The following CDH23 variants were observed in gnomAD, a reference collection of about 807,000 sequenced individuals.
CDH23 encodes cadherin related 23.
In CDH23, 189 loss-of-function variants were observed where a neutral mutation model predicts 317.1. The observed-to-expected ratio is 0.60, with a 90% CI of 0.53 to 0.67. The LOEUF (loss-of-function observed/expected upper bound fraction) is 0.67, where lower values mean the gene tolerates loss of function less well. Ranked by LOEUF, CDH23 falls within the 30% of genes least tolerant of loss-of-function variation. The pLI is 0.00. For missense variants in CDH23, 4,401 were observed against 4,592.4 expected, an observed-to-expected ratio of 0.96 and a Z score of 1.20; for synonymous variants, 1,839 against 1,876.8, an observed-to-expected ratio of 0.98 and a Z score of 0.52.
chr10:71,451,118 C>T (rs1329252708), intron 3 of CDH23, among the ~76,000 whole-genome samples: 3 of 152,116 alleles, frequency 2.0e-5, no homozygotes, highest in African/African-American at 7.2e-5. Context: ...CCCTCCCCTC[C>T]CATCCCTTAG....
chr10:71,404,890 A>G (rs1229129019), intron 1 of CDH23, among the ~76,000 whole-genome samples: 1 of 152,200 alleles, frequency 6.6e-6, no homozygotes, highest in Non-Finnish European at 1.5e-5. Flanking sequence ...GCCATTTGTG[A>G]CAAGGGCCAT....
rs372287931 is a variant in CDH23, at chr10:71,773,971, A to G, written c.4846-3709A>G. On this transcript the variant is annotated intron_variant, in intron 38 of 69. Transcript: ENST00000224721. ...TAAATGAGTGAATGAATGAAATCTG[A>G]CATTGTGAAGAGCTAGGCAAGCTGG... is the stretch of plus-strand genomic sequence containing the variant. Among the ~76,000 whole-genome samples, 26 of 151,964 alleles carry G rather than the reference A, an allele frequency of 1.7e-4. 1 individual carries two copies. The highest frequency in any genetic ancestry group is 5.6e-4 in the African/African-American group (23 of 41,422).
intron 62 of CDH23, among the ~76,000 whole-genome samples, chr10:71,810,910 G>A (rs1038953432): frequency 2.6e-5 from 4 of 151,994 alleles, no homozygotes; most frequent in Admixed American, 2.0e-4. Flanking sequence ...GAGAAACCTC[G>A]TCTCTACTAA....
At chr10:71,661,186 A>G (rs1863633122) in intron 14 of CDH23, among the ~76,000 whole-genome samples, 1 of 152,150 alleles carries the variant, frequency 6.6e-6, no homozygotes, top group Non-Finnish European at 1.5e-5. Context: ...GAGCCTGGCG[A>G]ATCTGTAGGG....
At chr10:71,730,081 A>G (rs1229531172) in intron 30 of CDH23, among the ~76,000 whole-genome samples, 2 of 151,836 alleles carry the variant, frequency 1.3e-5, no homozygotes, top group East Asian at 1.9e-4. Context: ...TGATCTGCCC[A>G]CCTCGGCCTC....
chr10:71,400,013 G>A (rs1280807721), intron 1 of CDH23, among the ~76,000 whole-genome samples: 2 of 152,156 alleles, frequency 1.3e-5, no homozygotes, highest in African/African-American at 4.8e-5. Flanking sequence ...ATGCAGAGGG[G>A]AGGAGCATGA....
chr10:71,783,268 AG>A (rs1841005509), intron 41 of CDH23, among the ~76,000 whole-genome samples: 1 of 152,148 alleles, frequency 6.6e-6, no homozygotes, highest in South Asian at 2.1e-4. Flanking sequence ...TTGCCTCTCC[AG>A]CTGGGCTCAC....
intron 38 of CDH23, among the ~76,000 whole-genome samples, chr10:71,768,241 G>T (rs1346211519): frequency 1.3e-5 from 2 of 152,160 alleles, no homozygotes; most frequent in Admixed American, 6.5e-5. Flanking sequence ...TGCAATCTCA[G>T]CTCACTGCAA....
chr10:71,636,841 G>T (rs923242999), intron 11 of CDH23, among the ~76,000 whole-genome samples: 10 of 152,204 alleles, frequency 6.6e-5, no homozygotes, highest in African/African-American at 1.7e-4. Context: ...GGCGGGGCAG[G>T]CCTGAAGGGC....
At chr10:71,577,388 G>A (rs940322039) in intron 8 of CDH23, among the ~76,000 whole-genome samples, 4 of 152,050 alleles carry the variant, frequency 2.6e-5, no homozygotes, top group East Asian at 1.9e-4. Context: ...AGTTGCCACC[G>A]TCATCCCCCG....
At chr10:71,809,585 G>A (rs558847003) in intron 60 of CDH23, among the ~76,000 whole-genome samples, 3 of 152,316 alleles carry the variant, frequency 2.0e-5, no homozygotes, top group Non-Finnish European at 2.9e-5. Context: ...GGACAACAGA[G>A]TCACAAACTT....
At chr10:71,408,957 G>C (rs1041395650) in intron 1 of CDH23, among the ~76,000 whole-genome samples, 2 of 152,222 alleles carry the variant, frequency 1.3e-5, no homozygotes, top group Admixed American at 1.3e-4. Flanking sequence ...GTGTGCACGT[G>C]TGTGTGTGTG....
Position 71,731,286 on chromosome 10 carries a change from A to T in CDH23, c.3715+682A>T, listed in dbSNP as rs543035398. On this transcript the variant is annotated intron_variant, in intron 31 of 69. Coordinates refer to ENST00000224721, the MANE Select transcript of CDH23 (RefSeq NM_022124.6). ...AGGCTCCCTGAGCTGCTCATCCTTC[A>T]TGTCAGCTACTCTGGTGGCTCCCAA... Among the ~76,000 whole-genome samples, 28 of 152,252 alleles carry T rather than the reference A, an allele frequency of 1.8e-4. 1 individual carries two copies. The South Asian group carries it at 5.8e-3, about 32-fold the overall frequency.
chr10:71,403,838 C>G (rs966085207), intron 1 of CDH23, among the ~76,000 whole-genome samples: 4 of 151,950 alleles, frequency 2.6e-5, no homozygotes, highest in African/African-American at 4.8e-5. Flanking sequence ...GCCTGTAATC[C>G]CAGTACTTTG....
Position 71,397,698 on chromosome 10 carries a change from G to T in CDH23, c.-6+380G>T, listed in dbSNP as rs1366994590. On this transcript the variant is annotated intron_variant, in intron 1 of 69. Transcript: ENST00000224721. This position sits in a 1 kb window ranked among gnomAD's most constrained non-coding sequence, Gnocchi z 4.8. Reference sequence around the variant, plus strand: ...GTGGAGAGATTTTCGAGAGTGGAGCGCGTTGGGATCCAATCCCCTCCCCTT... The same window carrying T: ...GTGGAGAGATTTTCGAGAGTGGAGCTCGTTGGGATCCAATCCCCTCCCCTT... 1.3e-5 allele frequency among the ~76,000 whole-genome samples: 2 copies of T among 152,074 alleles called. No homozygotes were observed. The highest frequency in any genetic ancestry group is 6.5e-5 in the Admixed American group (1 of 15,286).
At chr10:71,606,295 C>T (rs1051095869) in intron 9 of CDH23, among the ~76,000 whole-genome samples, 1 of 152,184 alleles carries the variant, frequency 6.6e-6, no homozygotes, top group Non-Finnish European at 1.5e-5. Flanking sequence ...TTGTCTTACC[C>T]TGACTGGACA....
chr10:71,646,060 C>T (rs1293557284), intron 13 of CDH23, 80 bp downstream of exon 13: 7 of 1,521,638 alleles, frequency 4.6e-6, no homozygotes, highest in South Asian at 1.2e-5. Flanking sequence ...AGAAGATTCC[C>T]TTAGATCCCA....
rs1351029031 is a variant in CDH23 at position 71,682,510 on chromosome 10, A to T, written c.1924A>T (p.Met642Leu). Residue 642 changes from methionine (M) to leucine (L), a missense_variant, in exon 18 of 70, where the codon ATG becomes TTG. Transcript: ENST00000224721. ...CAATGGGCTGATTTATCTGACGGTCATGGCCATGGATGCTGGCAACCCCCC... is the reference window on the plus strand; with the variant it reads ...CAATGGGCTGATTTATCTGACGGTCTTGGCCATGGATGCTGGCAACCCCCC... ...ISNGLIYLTVMAMDAGNPPLN... is the reference protein window; with the variant it reads ...ISNGLIYLTVLAMDAGNPPLN... 4.3e-6 allele frequency: 7 copies of T among 1,613,574 alleles called. No individual in the cohort carries two copies. In the Admixed American group the frequency reaches 1.2e-4, roughly 27 times the overall value.
rs727503841 is a variant in CDH23 at position 71,734,659 on chromosome 10, G to A, written c.4209+1G>A. On this transcript the variant is annotated splice_donor_variant, in intron 34 of 69. Transcript: ENST00000224721. LOFTEE classifies it high-confidence loss of function. The stretch of plus-strand genomic sequence containing the variant: ...CTGCTGCTGCCTCTGCCTACAGAAG[G>A]TGAGTAGCCTGTGGCTGGAGCTTCC... 5 of 1,456,428 alleles carry A rather than the reference G, an allele frequency of 3.4e-6. No homozygotes were observed. The highest frequency in any genetic ancestry group is 3.2e-5 in the East Asian group (1 of 31,038). 90.2% of individuals were successfully genotyped at this position (1,456,428 alleles called of 1,614,324 possible).
Sources: gnomAD v4.1 joint callset for allele counts (sites outside exome capture counted in the v4.1 genomes callset) on GRCh38, gnomAD v4.1.1 for gene constraint, Gnocchi (gnomAD v3.1) non-coding constraint, MANE v1.5 for transcripts, NCBI Gene and HGNC (gene_info 2026-07-23, HGNC 2026-07-21) for gene names.